The following INSR variants were observed in gnomAD, a reference collection of about 807,000 sequenced individuals.
The protein encoded by INSR is IR.
A neutral mutation model predicts 142.6 loss-of-function variants in INSR; 67 were observed. That is an observed-to-expected ratio of 0.47 (90% confidence interval 0.39 to 0.58). The LOEUF (loss-of-function observed/expected upper bound fraction) is 0.58. Ranked by LOEUF, INSR falls within the 20% of genes least tolerant of loss-of-function variation. The pLI, the probability that INSR is intolerant of heterozygous loss-of-function variation, is 0.00. For synonymous variants in INSR, 756 were observed against 743.1 expected (o/e 1.02, Z -0.28); for missense variants, 1,248 against 1,833.2 (o/e 0.68, Z 5.83).
chr19:7,219,454 AAG>A (rs771018190), intron 2 of INSR, among the ~76,000 whole-genome samples: 7 of 134,360 alleles, frequency 5.2e-5, no homozygotes, highest in Non-Finnish European at 6.5e-5. Flanking sequence ...AGAGAGAAAG[AAG>A]AGAGAGAGAG....
intron 2 of INSR, among the ~76,000 whole-genome samples, chr19:7,219,149 A>G (rs1250310855): frequency 6.6e-6 from 1 of 152,216 alleles, no homozygotes; most frequent in Non-Finnish European, 1.5e-5. Context: ...ACATCTGAGT[A>G]GGGGCTTTAT....
At chr19:7,201,288 T>C (rs1974945173) in intron 2 of INSR, among the ~76,000 whole-genome samples, 1 of 152,152 alleles carries the variant, frequency 6.6e-6, no homozygotes, top group Non-Finnish European at 1.5e-5. Context: ...AATCAGTAAA[T>C]GAAGTTATTT....
At chr19:7,171,033 G>A (rs1161269566) in intron 5 of INSR, among the ~76,000 whole-genome samples, 4 of 152,108 alleles carry the variant, frequency 2.6e-5, no homozygotes, top group Non-Finnish European at 5.9e-5. Flanking sequence ...GCAAATAGGG[G>A]AAATACTGAT....
At chr19:7,128,597 G>T (rs1972700731) in intron 15 of INSR, among the ~76,000 whole-genome samples, 1 of 151,506 alleles carries the variant, frequency 6.6e-6, no homozygotes, top group African/African-American at 2.4e-5. Flanking sequence ...GCAATAATAG[G>T]TTAGCTTCGG....
In INSR at chr19:7,278,124, AAAAT is replaced by A. The variant is rs1412153216; in HGVS notation, c.101-10232_101-10229del. Among the ~76,000 whole-genome samples, 12 of 152,228 alleles carry A rather than the reference AAAAT, an allele frequency of 7.9e-5. No individual in the cohort carries two copies. The East Asian group carries it at 2.3e-3, about 29-fold the overall frequency. ...AATTAAAAAATAAATTAAAAAATAA[AAAAT>A]AAAACAACAACAAAAAGAAATGAGA... On this transcript the variant is annotated intron_variant, in intron 1 of 21. Transcript: ENST00000302850.
At position 7,114,790 on chromosome 19, in the gene INSR, CT is replaced by C. The variant is rs1333296270; in HGVS notation, c.*2265del. ...GTGATTTTATATATTAAAATAAATA[CT>C]TTTTCCCCTAATATAAGAAAAACCT... On this transcript the variant is annotated 3_prime_UTR_variant, in exon 22 of 22. Coordinates refer to ENST00000302850, the MANE Select transcript of INSR (RefSeq NM_000208.4). The C allele has an allele frequency of 6.6e-6, 1 of 152,388 alleles. No individual in the cohort carries two copies. Among genetic ancestry groups the C allele is most frequent in the Non-Finnish European group, 1.5e-5 (1 of 68,008 alleles). 9.4% of individuals were successfully genotyped at this position (152,388 alleles called of 1,614,324 possible). A position where few individuals can be genotyped will look rare whatever the true frequency, so the allele number is the denominator to read the frequency against.
intron 2 of INSR, among the ~76,000 whole-genome samples, chr19:7,226,701 C>G (rs577967205): frequency 1.2e-4 from 15 of 130,028 alleles, no homozygotes; most frequent in Non-Finnish European, 1.8e-4. Context: ...GCACACCAGC[C>G]TGGGCAACAG....
intron 9 of INSR, among the ~76,000 whole-genome samples, chr19:7,156,967 T>C (rs1159361975): frequency 8.1e-6 from 1 of 124,144 alleles, no homozygotes; most frequent in East Asian, 2.5e-4. Flanking sequence ...AATTTTTTGT[T>C]TGTTTGTTTG....
At position 7,237,257 on chromosome 19, in the gene INSR, G is replaced by A. The variant is rs34520561; in HGVS notation, c.652+30088C>T. Among the ~76,000 whole-genome samples the A allele has an allele frequency of 4.8e-3, 724 of 152,152 alleles. 4 individuals carry two copies. Among genetic ancestry groups the A allele is most frequent in the South Asian group, 0.015 (74 of 4,816 alleles). On this transcript the variant is annotated intron_variant, in intron 2 of 21. Transcript: ENST00000302850. Reference sequence around the variant, plus strand: ...AAACAGGCCAGACGCGGTGGCTCACGCCTGTAATCCCAGCACATTAGGAGG... The same window carrying A: ...AAACAGGCCAGACGCGGTGGCTCACACCTGTAATCCCAGCACATTAGGAGG...
At chr19:7,127,935 G>T (rs1003044306) in intron 15 of INSR, among the ~76,000 whole-genome samples, 3 of 151,894 alleles carry the variant, frequency 2.0e-5, no homozygotes, top group African/African-American at 2.4e-5. Context: ...GTAGAGACGG[G>T]GTTTCACCAT....
chr19:7,158,353 T>C (rs1973660656), intron 9 of INSR, among the ~76,000 whole-genome samples: 1 of 151,694 alleles, frequency 6.6e-6, no homozygotes, highest in Admixed American at 6.6e-5. Flanking sequence ...TACAAAAAAT[T>C]AGCCGGGCGT....
At chr19:7,218,338 T>C (rs548380222) in intron 2 of INSR, among the ~76,000 whole-genome samples, 10 of 152,034 alleles carry the variant, frequency 6.6e-5, no homozygotes, top group Admixed American at 1.3e-4. Flanking sequence ...CTCAGTACTG[T>C]GGTTGAATAG....
At position 7,132,378 on chromosome 19, in the gene INSR, C is replaced by T. The variant is rs1972808346; in HGVS notation, c.2683-61G>A. On this transcript the variant is annotated intron_variant, in intron 13 of 21. Coordinates refer to ENST00000302850, the MANE Select transcript of INSR (RefSeq NM_000208.4). ...AGCTTTGCACATCTGGGAGTGTCCACCCCTCGCAGGGAGCTCACAGCCAGG... is the reference window on the plus strand; with the variant it reads ...AGCTTTGCACATCTGGGAGTGTCCATCCCTCGCAGGGAGCTCACAGCCAGG... 14 of 1,571,658 alleles carry T rather than the reference C, an allele frequency of 8.9e-6. No homozygotes were observed. In the Admixed American group the frequency reaches 1.6e-4, roughly 18 times the overall value.
chr19:7,254,555 A>T (rs933091501), intron 2 of INSR, among the ~76,000 whole-genome samples: 3 of 152,180 alleles, frequency 2.0e-5, no homozygotes, highest in South Asian at 2.1e-4. Context: ...ACAACAAAAT[A>T]AAAAAGTAGA....
At chr19:7,182,289 G>T (rs1029641855) in intron 3 of INSR, among the ~76,000 whole-genome samples, 1 of 151,894 alleles carries the variant, frequency 6.6e-6, no homozygotes, top group Non-Finnish European at 1.5e-5. Flanking sequence ...AGCCAAGATC[G>T]CACCATTGCA....
In INSR at chr19:7,114,908, T is replaced by C; in HGVS notation, c.*2148A>G. ...AGAGAACAAAATACCTAGTTCTACG[T>C]GTTTTTTTTTTAAATTTAGGTACAG... On this transcript the variant is annotated 3_prime_UTR_variant, in exon 22 of 22. Transcript: ENST00000302850. 1 of 53,128 alleles carries C rather than the reference T, an allele frequency of 1.9e-5. No individual in the cohort carries two copies. The highest frequency in any genetic ancestry group is 5.8e-4 in the East Asian group (1 of 1,710). The allele number at this position is 53,128 out of a possible 1,614,324, so 3.3% of individuals were successfully genotyped here.
At chr19:7,196,841 A>G (rs1301608356) in intron 2 of INSR, among the ~76,000 whole-genome samples, 1 of 152,222 alleles carries the variant, frequency 6.6e-6, no homozygotes, top group African/African-American at 2.4e-5. Context: ...AGAAATTTCC[A>G]AACGGAACAG....
chr19:7,170,483 A>G (rs1425510743), intron 6 of INSR, 54 bp downstream of exon 6: 2 of 1,382,566 alleles, frequency 1.4e-6, no homozygotes, highest in Non-Finnish European at 2.1e-6. Context: ...TGGAAAAACC[A>G]TCTTCCACTA....
At chr19:7,136,676 G>C (rs1972935353) in intron 13 of INSR, among the ~76,000 whole-genome samples, 1 of 151,872 alleles carries the variant, frequency 6.6e-6, no homozygotes, top group Non-Finnish European at 1.5e-5. Flanking sequence ...AGCAGAGATG[G>C]GGGAGAAAAT....
Sources: allele counts gnomAD v4.1 joint callset (sites outside exome capture counted in the v4.1 genomes callset), GRCh38; gene constraint gnomAD v4.1.1; transcripts MANE v1.5; gene names NCBI Gene and HGNC (gene_info 2026-07-23, HGNC 2026-07-21).